UTRN: variants seen among roughly 807,000 people sequenced by gnomAD.
The protein encoded by UTRN is utrophin.
Under a neutral mutation model 463.9 loss-of-function variants are expected in UTRN, and 283 were observed. That is an observed-to-expected ratio of 0.61 (90% CI 0.55 to 0.67). The LOEUF (loss-of-function observed/expected upper bound fraction) is 0.67. UTRN is among the 30% of genes least tolerant of loss of function. The pLI is 0.00. For missense variants in UTRN, 3,922 were observed against 4,084.3 expected (o/e 0.96, Z 1.08); for synonymous variants, 1,442 against 1,431.5 (o/e 1.01, Z -0.17).
intron 44 of UTRN, among the ~76,000 whole-genome samples, chr6:144,538,669 CAAA>C (rs58250042): frequency 0.012 from 913 of 79,324 alleles, 3 homozygotes; most frequent in African/African-American, 0.037. Flanking sequence ...GACTCCGTCT[CAAA>C]AAAAAAAAAA....
intron 51 of UTRN, among the ~76,000 whole-genome samples, chr6:144,629,451 C>A (rs987904719): frequency 6.6e-6 from 1 of 152,166 alleles, no homozygotes; most frequent in Non-Finnish European, 1.5e-5. Context: ...CATGAAGAAT[C>A]ATAATTAAAA....
intron 50 of UTRN, among the ~76,000 whole-genome samples, chr6:144,562,201 ATATTTTATTT>A (rs759498316): frequency 2.0e-5 from 3 of 152,190 alleles, no homozygotes; most frequent in South Asian, 2.1e-4. Flanking sequence ...ATTTAAAAAA[ATATTTTATTT>A]TATTTTATTT....
rs915050879 is a variant in UTRN at position 144,694,159 on chromosome 6, G to A, written c.7653-5928G>A. 4.1e-4 allele frequency among the ~76,000 whole-genome samples: 62 copies of A among 151,644 alleles called. 1 individual carries two copies. Among genetic ancestry groups the A allele is most frequent in the Admixed American group, 7.9e-4 (12 of 15,228 alleles). ...GTATTGAGATAATCATGTGGTTTTT[G>A]TCTTGTTCTGTTTATGTGAAGAATC... is the stretch of plus-strand genomic sequence containing the variant. On this transcript the variant is annotated intron_variant, in intron 52 of 74. Coordinates refer to ENST00000367545, the MANE Select transcript of UTRN (RefSeq NM_007124.3).
intron 51 of UTRN, among the ~76,000 whole-genome samples, chr6:144,591,801 A>T (rs1803101874): frequency 6.6e-6 from 1 of 152,170 alleles, no homozygotes; most frequent in Admixed American, 6.5e-5. Context: ...GCCGGAAAAA[A>T]AAAGTTCTTG....
chr6:144,287,551 T>C (rs970586967), intron 1 of UTRN, among the ~76,000 whole-genome samples: 1 of 152,228 alleles, frequency 6.6e-6, no homozygotes, highest in African/African-American at 2.4e-5. Context: ...CACTGTTGGA[T>C]ATATATGTGC....
At chr6:144,548,037 A>G (rs1798563103) in intron 46 of UTRN, among the ~76,000 whole-genome samples, 1 of 152,198 alleles carries the variant, frequency 6.6e-6, no homozygotes, top group Non-Finnish European at 1.5e-5. Flanking sequence ...AATATTAAAT[A>G]CATACTTTTT....
chr6:144,580,078 A>G (rs550420897), intron 51 of UTRN, among the ~76,000 whole-genome samples: 1 of 152,340 alleles, frequency 6.6e-6, no homozygotes, highest in South Asian at 2.1e-4. Flanking sequence ...ATGGTGTTGT[A>G]TATTAATGAT....
In UTRN at chr6:144,438,830, A is replaced by C. The variant is rs2114896486; in HGVS notation, c.1327A>C (p.Lys443Gln). The change falls in exon 12 of 75, where the codon AAG (lysine) becomes CAG (glutamine). Residue 443 changes from lysine to glutamine, a missense_variant. Physicochemically the swap from Lys to Gln is moderately conservative, Grantham distance 53 (BLOSUM62 1). Coordinates refer to ENST00000367545, the MANE Select transcript of UTRN (RefSeq NM_007124.3). ...WLTLTEERIQ[K>Q]METCPLDDDV... ...AACACTCACAGAGGAGCGCATTCAGAAGATGGAAACTTGCCCCCTGGATGA... is the reference window on the plus strand; with the variant it reads ...AACACTCACAGAGGAGCGCATTCAGCAGATGGAAACTTGCCCCCTGGATGA... 1.9e-6 allele frequency: 3 copies of C among 1,614,232 alleles called. No individual in the cohort carries two copies. In the East Asian group the frequency reaches 6.7e-5, roughly 36 times the overall value.
chr6:144,420,315 A>G (rs1305450000), intron 3 of UTRN, among the ~76,000 whole-genome samples: 1 of 152,174 alleles, frequency 6.6e-6, no homozygotes, highest in African/African-American at 2.4e-5. Flanking sequence ...TTCTCAGGGC[A>G]TTTTCTTATA....
chr6:144,631,933 C>T (rs904846903), intron 51 of UTRN, among the ~76,000 whole-genome samples: 7 of 152,256 alleles, frequency 4.6e-5, no homozygotes, highest in African/African-American at 9.6e-5. Flanking sequence ...TCTGAGTTAT[C>T]GTAAAAGACT....
chr6:144,487,475 A>T (rs1437100538), intron 28 of UTRN, 73 bp from the exon 29 acceptor site: 14 of 1,380,298 alleles, frequency 1.0e-5, no homozygotes, highest in Non-Finnish European at 1.3e-5. Flanking sequence ...TAACAAATAG[A>T]CATTTTGGGG....
intron 51 of UTRN, among the ~76,000 whole-genome samples, chr6:144,643,158 A>G (rs1412451125): frequency 2.0e-5 from 3 of 152,194 alleles, no homozygotes; most frequent in East Asian, 1.9e-4. Context: ...ACTTAAAGGT[A>G]CTGGGTAGTC....
chr6:144,507,407 C>G (rs1794777986), intron 34 of UTRN, among the ~76,000 whole-genome samples: 2 of 152,110 alleles, frequency 1.3e-5, no homozygotes, highest in African/African-American at 4.8e-5. Flanking sequence ...GTGGATTTAT[C>G]TACCTTTGAT....
Position 144,577,280 on chromosome 6 carries a change from C to G in UTRN, c.7471C>G (p.Gln2491Glu). Residue 2491 changes from glutamine (Q) to glutamate (E), a missense_variant, in exon 51 of 75, where the codon CAG becomes GAG. Transcript: ENST00000367545. Reference sequence around the variant, plus strand: ...TATCTTGGCCAGGGAACTCAAACAGCAGATGCAGGTAAGTGCATGGGAAAC... The same window carrying G: ...TATCTTGGCCAGGGAACTCAAACAGGAGATGCAGGTAAGTGCATGGGAAAC... The part of the protein sequence containing the change: ...DSILARELKQ[Q>E]MQDIQAEIDA... 6.2e-7 allele frequency: 1 copy of G among 1,613,638 alleles called. No homozygotes were observed. Among genetic ancestry groups the G allele is most frequent in the Non-Finnish European group, 8.5e-7 (1 of 1,179,780 alleles).
chr6:144,829,666 G>A (rs1178491240), intron 69 of UTRN, among the ~76,000 whole-genome samples: 1 of 150,104 alleles, frequency 6.7e-6, no homozygotes, highest in Non-Finnish European at 1.5e-5. Context: ...AATCTGTAAA[G>A]TAGACAGAAA....
chr6:144,721,298 A>G (rs987546888), intron 53 of UTRN, among the ~76,000 whole-genome samples: 4 of 152,132 alleles, frequency 2.6e-5, no homozygotes, highest in African/African-American at 9.7e-5. Context: ...TGTAGCCTCA[A>G]ACTCCTGGAG....
At position 144,473,711 on chromosome 6, in the gene UTRN, T is replaced by C; in HGVS notation, c.3067-9T>C. The C allele has an allele frequency of 1.2e-6, 2 of 1,612,390 alleles. No individual in the cohort carries two copies. Among genetic ancestry groups the C allele is most frequent in the Non-Finnish European group, 1.7e-6 (2 of 1,178,552 alleles). On this transcript the variant is annotated splice_polypyrimidine_tract_variant and intron_variant, in intron 23 of 74. Transcript: ENST00000367545. ...AGTAATATCCCCCTCTGTTATCATG[T>C]TCGATTAGGCCGATTCAACAGTCAT...
rs572244523 is a variant in UTRN, at chr6:144,595,433, G to A, written c.7479+18145G>A. Among the ~76,000 whole-genome samples, 49 of 152,354 alleles carry A rather than the reference G, an allele frequency of 3.2e-4. 1 individual carries two copies. Among genetic ancestry groups the A allele is most frequent in the African/African-American group, 1.1e-3 (46 of 41,588 alleles). ...TCTGTGTGTCTCAACTGAGGCGGAA[G>A]AATGTTGAATACTAACCACCTTAGG... On this transcript the variant is annotated intron_variant, in intron 51 of 74. Coordinates refer to ENST00000367545, the MANE Select transcript of UTRN (RefSeq NM_007124.3).
intron 2 of UTRN, chr6:144,343,981 A>G (rs1032446864): frequency 6.8e-6 from 2 of 295,314 alleles, no homozygotes; most frequent in Admixed American, 5.4e-5. Flanking sequence ...AAAACAAAAA[A>G]CCTGCCTAAG....
Sources: gnomAD v4.1 joint callset for allele counts (sites outside exome capture counted in the v4.1 genomes callset) on GRCh38, gnomAD v4.1.1 for gene constraint, MANE v1.5 for transcripts, NCBI Gene and HGNC (gene_info 2026-07-23, HGNC 2026-07-21) for gene names.